Variants in ITGB3BP observed in about 807,000 individuals in gnomAD.
The protein encoded by ITGB3BP is integrin subunit beta 3 binding protein, also known as centromere protein R.
In ITGB3BP, 27 loss-of-function variants were observed where a neutral mutation model predicts 29.1. The observed-to-expected ratio is 0.93, with a 90% CI of 0.68 to 1.28. The LOEUF is 1.28. Ranked by LOEUF, ITGB3BP falls within the 50% of genes most tolerant of loss-of-function variation. The pLI is 0.00. For missense variants in ITGB3BP, 192 were observed against 200.2 expected (o/e 0.96, Z 0.25); for synonymous variants, 61 against 61.4 (o/e 0.99, Z 0.03).
rs116024678 is a variant in ITGB3BP, at chr1:63,507,045, G to C, written c.48+1483C>G. ...GGAGAGAAGCCCAGACTTAACACCA[G>C]AACAGAACAAAAGCTGTTAGCTCTA... is the stretch of plus-strand genomic sequence containing the variant. On this transcript the variant is annotated intron_variant, in intron 2 of 8. Coordinates refer to ENST00000271002, the MANE Select transcript of ITGB3BP (RefSeq NM_014288.5). 4.4e-3 allele frequency among the ~76,000 whole-genome samples: 669 copies of C among 152,270 alleles called. 5 individuals are homozygous for C. Among genetic ancestry groups the C allele is most frequent in the African/African-American group, 0.015 (616 of 41,556 alleles).
In ITGB3BP at chr1:63,472,980, G is replaced by C. The variant is rs570552807; in HGVS notation, c.254+5784C>G. Among the ~76,000 whole-genome samples, 580 of 151,352 alleles carry C rather than the reference G, an allele frequency of 3.8e-3. 2 individuals are homozygous for C. The highest frequency in any genetic ancestry group is 0.012 in the African/African-American group (474 of 41,210). On this transcript the variant is annotated intron_variant, in intron 4 of 8. Transcript: ENST00000271002. ...GCCCCTCTGCCTGGCTGCCCAGTCT[G>C]GAAAGTGAGGAGCGTCTCTGCCCAG...
chr1:63,514,918 C>A (rs1646277082), intron 1 of ITGB3BP, among the ~76,000 whole-genome samples: 1 of 140,036 alleles, frequency 7.1e-6, no homozygotes, highest in Non-Finnish European at 1.5e-5. Context: ...TGCACTCCAG[C>A]CTGGTGACAG....
intron 4 of ITGB3BP, among the ~76,000 whole-genome samples, chr1:63,461,607 T>C (rs765115210): frequency 3.3e-5 from 5 of 152,226 alleles, no homozygotes; most frequent in Non-Finnish European, 5.9e-5. Context: ...TTAGCCCTTA[T>C]ATTTAGGTCA....
At chr1:63,504,681 G>A (rs140660189) in intron 2 of ITGB3BP, among the ~76,000 whole-genome samples, 2,216 of 152,212 alleles carry the variant, frequency 0.015, 47 homozygotes, top group African/African-American at 0.05. Context: ...TTTGAGATAC[G>A]TCCCATCGAT....
chr1:63,464,867 G>A (rs140931192), intron 4 of ITGB3BP, among the ~76,000 whole-genome samples: 61 of 151,976 alleles, frequency 4.0e-4, no homozygotes, highest in East Asian at 9.6e-4. Flanking sequence ...GAGGAATGAC[G>A]TACAAAAAAC....
At chr1:63,489,184 T>G (rs1253053621) in intron 3 of ITGB3BP, among the ~76,000 whole-genome samples, 1 of 151,954 alleles carries the variant, frequency 6.6e-6, no homozygotes, top group Non-Finnish European at 1.5e-5. Flanking sequence ...ATTAAAGACA[T>G]TCAAAACTTT....
chr1:63,496,569 A>T (rs1408909176), intron 2 of ITGB3BP, among the ~76,000 whole-genome samples: 1 of 152,194 alleles, frequency 6.6e-6, no homozygotes, highest in Non-Finnish European at 1.5e-5. Context: ...TGAGGTACAC[A>T]GGCAACCTCA....
intron 1 of ITGB3BP, among the ~76,000 whole-genome samples, chr1:63,515,565 C>T (rs1025992222): frequency 1.3e-5 from 2 of 152,012 alleles, no homozygotes; most frequent in Admixed American, 6.6e-5. Context: ...CGATGGTTCA[C>T]GCCTGTAATC....
intron 3 of ITGB3BP, among the ~76,000 whole-genome samples, chr1:63,488,173 A>C (rs1645568952): frequency 6.6e-6 from 1 of 152,112 alleles, no homozygotes; most frequent in Admixed American, 6.6e-5. Context: ...TCAAATGTAC[A>C]TAGAAAGTAC....
chr1:63,500,142 C>A (rs947437192), intron 2 of ITGB3BP, among the ~76,000 whole-genome samples: 1 of 152,226 alleles, frequency 6.6e-6, no homozygotes, highest in Non-Finnish European at 1.5e-5. Flanking sequence ...CTTTGGGAGG[C>A]CCAGACGGGC....
At chr1:63,517,527 G>A (rs1646360943) in intron 1 of ITGB3BP, among the ~76,000 whole-genome samples, 1 of 151,986 alleles carries the variant, frequency 6.6e-6, no homozygotes, top group African/African-American at 2.4e-5. Flanking sequence ...ATGTTTTTAT[G>A]TAATTATAAA....
chr1:63,445,324 T>C (rs1173540514), intron 8 of ITGB3BP, among the ~76,000 whole-genome samples: 1 of 152,050 alleles, frequency 6.6e-6, no homozygotes, highest in Admixed American at 6.6e-5. Context: ...TCAATAAATA[T>C]TAGCTATTAT....
At position 63,454,844 on chromosome 1, in the gene ITGB3BP, C is replaced by A; in HGVS notation, c.333+46G>T. ...ATTCTCCAATCTGGGACACTTCTTT[C>A]ATTTTATCCTTTTCAAACAGGGTAG... On this transcript the variant is annotated intron_variant, in intron 5 of 8. Coordinates refer to ENST00000271002, the MANE Select transcript of ITGB3BP (RefSeq NM_014288.5). The surrounding 1 kb of genome is among the most constrained non-coding windows in gnomAD (Gnocchi z 4.1). 1 of 858,208 alleles carries A rather than the reference C, an allele frequency of 1.2e-6. No homozygotes were observed. The highest frequency in any genetic ancestry group is 1.7e-5 in the South Asian group (1 of 58,588). The allele number at this position is 858,208 out of a possible 1,614,324, so 53.2% of individuals were successfully genotyped here.
Position 63,454,573 on chromosome 1 carries a change from A to C in ITGB3BP, c.334-100T>G. 1.7e-6 allele frequency: 1 copy of C among 573,802 alleles called. No homozygotes were observed. Among genetic ancestry groups the C allele is most frequent in the Non-Finnish European group, 3.0e-6 (1 of 330,408 alleles). The allele number at this position is 573,802 out of a possible 1,614,324, so 35.5% of individuals were successfully genotyped here. ...GTATATTGTTTCCTTCATTTGAAAA[A>C]CTTAAACTTTATGTTAGGATATTTA... On this transcript the variant is annotated intron_variant, in intron 5 of 8. Transcript: ENST00000271002. The surrounding 1 kb of genome is among the most constrained non-coding windows in gnomAD (Gnocchi z 4.1).
chr1:63,473,510 C>T (rs1475774378), intron 4 of ITGB3BP, among the ~76,000 whole-genome samples: 78 of 142,096 alleles, frequency 5.5e-4, no homozygotes, highest in African/African-American at 1.9e-3. Flanking sequence ...CCGCCCAGTC[C>T]GGGAGGGAGG....
intron 2 of ITGB3BP, among the ~76,000 whole-genome samples, chr1:63,528,281 T>C (rs10889429): frequency 0.25 from 38,729 of 152,012 alleles, 6,583 homozygotes; most frequent in African/African-American, 0.49. Flanking sequence ...TCATTTGCAA[T>C]AACATGGATA....
At chr1:63,464,254 A>G (rs1645065766) in intron 4 of ITGB3BP, among the ~76,000 whole-genome samples, 1 of 152,218 alleles carries the variant, frequency 6.6e-6, no homozygotes, top group African/African-American at 2.4e-5. Flanking sequence ...TAATTTTTGA[A>G]AACAGTAATT....
chr1:63,499,458 T>C (rs929904876), intron 2 of ITGB3BP, among the ~76,000 whole-genome samples: 2 of 152,050 alleles, frequency 1.3e-5, no homozygotes, highest in Non-Finnish European at 2.9e-5. Flanking sequence ...GCCTTTCTAC[T>C]AATATTTAAA....
chr1:63,484,767 G>A (rs6588042), intron 3 of ITGB3BP, among the ~76,000 whole-genome samples: 150,377 of 152,196 alleles, frequency 0.99, 74,317 homozygotes, highest in Middle Eastern at 1. Context: ...ACTTGTCTAT[G>A]TCCTTCCTTT....
Sources: allele counts gnomAD v4.1 joint callset (sites outside exome capture counted in the v4.1 genomes callset), GRCh38; gene constraint gnomAD v4.1.1; non-coding constraint Gnocchi (gnomAD v3.1); transcripts MANE v1.5; gene names NCBI Gene and HGNC (gene_info 2026-07-23, HGNC 2026-07-21).